BCAS3: variants seen among roughly 807,000 people sequenced by gnomAD.
The protein encoded by BCAS3 is BCAS4/BCAS3 fusion.
In BCAS3, 53 loss-of-function variants were observed where a neutral mutation model predicts 116.1. The observed-to-expected ratio is 0.46, with a 90% CI of 0.37 to 0.57. BCAS3 has a LOEUF of 0.57. Ranked by LOEUF, BCAS3 falls within the 20% of genes least tolerant of loss-of-function variation. The probability of loss-of-function intolerance (pLI) is 0.00; values close to 1 mark genes in which losing one functional copy is unlikely to be tolerated. For missense variants in BCAS3, 917 were observed against 1,165.4 expected (o/e 0.79, Z 3.10); for synonymous variants, 391 against 408.2 (o/e 0.96, Z 0.51).
At chr17:61,103,214 T>C (rs2074434167) in intron 22 of BCAS3, among the ~76,000 whole-genome samples, 1 of 152,172 alleles carries the variant, frequency 6.6e-6, no homozygotes, top group Non-Finnish European at 1.5e-5. Flanking sequence ...GTGTATCTCC[T>C]TATTACTCTT....
intron 7 of BCAS3, among the ~76,000 whole-genome samples, chr17:60,846,666 G>C (rs938791835): frequency 6.6e-6 from 1 of 151,516 alleles, no homozygotes; most frequent in Non-Finnish European, 1.5e-5. Flanking sequence ...TTGATGTATT[G>C]ACCCTTCTAT....
At chr17:61,247,730 A>G (rs2048083326) in intron 22 of BCAS3, among the ~76,000 whole-genome samples, 1 of 152,150 alleles carries the variant, frequency 6.6e-6, no homozygotes, top group Non-Finnish European at 1.5e-5. Flanking sequence ...AGAGAGCAGC[A>G]TACTCTACCT....
rs1487388142 is a variant in BCAS3, at chr17:61,258,437, T to C, written c.2426-109890T>C. On this transcript the variant is annotated intron_variant, in intron 22 of 23. Coordinates refer to ENST00000407086, the MANE Select transcript of BCAS3 (RefSeq NM_017679.5). The surrounding 1 kb of genome is among the most constrained non-coding windows in gnomAD (Gnocchi z 4.7). ...GGCAGGTTTATCTAGGTTTGAGTTG[T>C]GGGTCTGCCACTTCTTCACTAGCTG... Among the ~76,000 whole-genome samples the C allele has an allele frequency of 6.6e-6, 1 of 152,244 alleles. No homozygotes were observed. The highest frequency in any genetic ancestry group is 2.4e-5 in the African/African-American group (1 of 41,478).
intron 22 of BCAS3, among the ~76,000 whole-genome samples, chr17:61,107,365 G>A (rs868017586): frequency 2.6e-5 from 4 of 152,144 alleles, no homozygotes; most frequent in Non-Finnish European, 2.9e-5. Context: ...GATTACAGGC[G>A]TGAGCCACTG....
Position 61,347,955 on chromosome 17 carries a change from A to C in BCAS3, c.2426-20372A>C, listed in dbSNP as rs1306848785. 4.6e-5 allele frequency among the ~76,000 whole-genome samples: 7 copies of C among 152,208 alleles called. No individual in the cohort carries two copies. The highest frequency in any genetic ancestry group is 1.7e-4 in the African/African-American group (7 of 41,440). On this transcript the variant is annotated intron_variant, in intron 22 of 23. Transcript: ENST00000407086. This position sits in a 1 kb window ranked among gnomAD's most constrained non-coding sequence, Gnocchi z 4.3. ...GATGATAGACAGTTGTGCTAAGAAG[A>C]TTGGGCTTAATCCTGAGGGCAGATG...
chr17:61,386,099 C>G (rs1441153439), intron 23 of BCAS3, among the ~76,000 whole-genome samples: 1 of 152,232 alleles, frequency 6.6e-6, no homozygotes, highest in East Asian at 1.9e-4. Context: ...TTGTGATGCA[C>G]TCTACATGCA....
chr17:60,963,803 C>T (rs564663458), intron 14 of BCAS3, among the ~76,000 whole-genome samples: 1 of 152,306 alleles, frequency 6.6e-6, no homozygotes, highest in Admixed American at 6.5e-5. Context: ...GATCCACCCG[C>T]CTCGGCCTCC....
intron 22 of BCAS3, among the ~76,000 whole-genome samples, chr17:61,237,375 GA>G (rs1478285633): frequency 1.3e-5 from 2 of 152,094 alleles, no homozygotes; most frequent in African/African-American, 4.8e-5. Context: ...AAGGAGGATT[GA>G]AAAAAGGGCA....
chr17:60,711,520 G>T (rs996761897), intron 5 of BCAS3, among the ~76,000 whole-genome samples: 1 of 152,124 alleles, frequency 6.6e-6, no homozygotes, highest in Admixed American at 6.6e-5. Context: ...GTGTGATTAG[G>T]GGTGTTGACT....
intron 5 of BCAS3, among the ~76,000 whole-genome samples, chr17:60,732,055 G>A (rs1466151025): frequency 1.3e-5 from 2 of 152,096 alleles, no homozygotes; most frequent in Admixed American, 1.3e-4. Context: ...GATTATAGGT[G>A]TGAGCCACCG....
chr17:61,045,541 G>T (rs942662635), intron 19 of BCAS3, among the ~76,000 whole-genome samples: 1 of 149,046 alleles, frequency 6.7e-6, no homozygotes, highest in Admixed American at 6.7e-5. Context: ...AAGGCTAGGC[G>T]CAGTGGCTCA....
At position 61,020,723 on chromosome 17, in the gene BCAS3, T is replaced by TA. The variant is rs2065815513; in HGVS notation, c.1637+4828dup. Among the ~76,000 whole-genome samples, 3 of 152,166 alleles carry TA rather than the reference T, an allele frequency of 2.0e-5. No individual in the cohort carries two copies. The highest frequency in any genetic ancestry group is 1.3e-4 in the Admixed American group (2 of 15,290). ...CATTATCAAGTGAGTGATCAAGTTT[T>TA]AAAAAATATTTTCTATGTAACAATT... On this transcript the variant is annotated intron_variant, in intron 16 of 23. Coordinates refer to ENST00000407086, the MANE Select transcript of BCAS3 (RefSeq NM_017679.5). The surrounding 1 kb of genome is among the most constrained non-coding windows in gnomAD (Gnocchi z 4.5).
chr17:60,728,216 T>TTCTCTATCTATTCATCCCTCCA (rs1388563008), intron 5 of BCAS3, among the ~76,000 whole-genome samples: 5 of 152,178 alleles, frequency 3.3e-5, no homozygotes, highest in Admixed American at 2.0e-4. Flanking sequence ...ACATCCTCTG[T>TTCTCTATCTATTCATCCCTCCA]TCTCTATCTA....
At chr17:61,148,840 G>A (rs2077388920) in intron 22 of BCAS3, among the ~76,000 whole-genome samples, 1 of 152,210 alleles carries the variant, frequency 6.6e-6, no homozygotes, top group South Asian at 2.1e-4. Context: ...GCAAAAAAAT[G>A]TACTGTTTGG....
chr17:60,866,944 G>A (rs1476963763), intron 7 of BCAS3, among the ~76,000 whole-genome samples: 1 of 151,890 alleles, frequency 6.6e-6, no homozygotes, highest in Admixed American at 6.6e-5. Context: ...CTAGAACACA[G>A]TTTTTTCTTT....
In BCAS3 at chr17:61,364,826, C is replaced by G. The variant is rs2058642027; in HGVS notation, c.2426-3501C>G. On this transcript the variant is annotated intron_variant, in intron 22 of 23. Coordinates refer to ENST00000407086, the MANE Select transcript of BCAS3 (RefSeq NM_017679.5). The surrounding 1 kb of genome is among the most constrained non-coding windows in gnomAD (Gnocchi z 5.4). ...AAACCCTTGTTCCAGATCTGTTGCT[C>G]AGAGACTTTGAACATGTCACGTAAC... Among the ~76,000 whole-genome samples, 1 of 152,220 alleles carries G rather than the reference C, an allele frequency of 6.6e-6. No individual in the cohort carries two copies. The highest frequency in any genetic ancestry group is 1.5e-5 in the Non-Finnish European group (1 of 68,040).
rs139042614 is a variant in BCAS3, at chr17:60,808,410, G to A, written c.476+334G>A. 1.8e-3 allele frequency among the ~76,000 whole-genome samples: 272 copies of A among 152,302 alleles called. 1 individual carries two copies. Among genetic ancestry groups the A allele is most frequent in the African/African-American group, 6.1e-3 (252 of 41,558 alleles). The stretch of plus-strand genomic sequence containing the variant: ...GAAAGCTAGGAATGATTATGGTTTT[G>A]TTAGTAAGGAAAATTATCAAAATGG... On this transcript the variant is annotated intron_variant, in intron 7 of 23. Coordinates refer to ENST00000407086, the MANE Select transcript of BCAS3 (RefSeq NM_017679.5).
intron 22 of BCAS3, among the ~76,000 whole-genome samples, chr17:61,237,814 T>C (rs975358029): frequency 2.0e-5 from 3 of 152,222 alleles, no homozygotes; most frequent in Non-Finnish European, 4.4e-5. Context: ...TGTATTACTC[T>C]CTATTCCTTT....
rs1218433543 is a variant in BCAS3, at chr17:61,356,007, T to G, written c.2426-12320T>G. On this transcript the variant is annotated intron_variant, in intron 22 of 23. Coordinates refer to ENST00000407086, the MANE Select transcript of BCAS3 (RefSeq NM_017679.5). This position sits in a 1 kb window ranked among gnomAD's most constrained non-coding sequence, Gnocchi z 5.4. ...GGAAACATTTTCTTTTTCTTTTCTC[T>G]TTTTTGAGACTGAGTCTTACTCTGT... Among the ~76,000 whole-genome samples, 6 of 152,324 alleles carry G rather than the reference T, an allele frequency of 3.9e-5. No homozygotes were observed. Among genetic ancestry groups the G allele is most frequent in the Non-Finnish European group, 8.8e-5 (6 of 68,028 alleles).
Sources: allele counts gnomAD v4.1 joint callset (sites outside exome capture counted in the v4.1 genomes callset), GRCh38; gene constraint gnomAD v4.1.1; non-coding constraint Gnocchi (gnomAD v3.1); transcripts MANE v1.5; gene names NCBI Gene and HGNC (gene_info 2026-07-23, HGNC 2026-07-21).